MGAM2: variants seen among roughly 807,000 people sequenced by gnomAD.
MGAM2 encodes the protein maltase-glucoamylase 2 (putative).
Under a neutral mutation model 96.1 loss-of-function variants are expected in MGAM2, and 98 were observed. The observed-to-expected ratio is 1.02, with a 90% CI of 0.87 to 1.21. The LOEUF (loss-of-function observed/expected upper bound fraction) is 1.21, where lower values mean the gene tolerates loss of function less well. Ranked by LOEUF, MGAM2 falls within the 50% of genes most tolerant of loss-of-function variation. MGAM2 has a pLI of 0.00. For synonymous variants in MGAM2, 749 were observed against 414.8 expected, an observed-to-expected ratio of 1.81 and a Z score of -9.79; for missense variants, 2,055 against 1,182.4, an observed-to-expected ratio of 1.74 and a Z score of -10.82.
chr7:142,190,214 T>G (rs1045674355), intron 37 of MGAM2, among the ~76,000 whole-genome samples: 5 of 151,994 alleles, frequency 3.3e-5, no homozygotes. Context: ...AACTGTATTT[T>G]TAATATTTTG....
chr7:142,160,418 C>T (rs887290870), intron 21 of MGAM2, among the ~76,000 whole-genome samples, 160 bp downstream of exon 21: 3 of 152,130 alleles, frequency 2.0e-5, no homozygotes, highest in Admixed American at 2.0e-4. Flanking sequence ...AAATTGGCAT[C>T]TTAGTCCCTA....
intron 36 of MGAM2, among the ~76,000 whole-genome samples, chr7:142,188,127 C>G (rs1056928501): frequency 1.3e-5 from 2 of 151,670 alleles, no homozygotes; most frequent in Non-Finnish European, 2.9e-5. Flanking sequence ...CACACACACA[C>G]ACACACACAC....
At chr7:142,195,350 T>A (rs1044326836) in intron 37 of MGAM2, among the ~76,000 whole-genome samples, 3 of 129,942 alleles carry the variant, frequency 2.3e-5, no homozygotes, top group African/African-American at 8.9e-5. Flanking sequence ...TTACTCTTTT[T>A]TTTTTTTTTT....
At chr7:142,127,802 CCA>C (rs1794770718) in intron 3 of MGAM2, among the ~76,000 whole-genome samples, 1 of 152,158 alleles carries the variant, frequency 6.6e-6, no homozygotes, top group South Asian at 2.1e-4. Flanking sequence ...AACTGTGAGT[CCA>C]TTAAATGTCT....
chr7:142,114,478 C>A (rs868153015), intron 1 of MGAM2, among the ~76,000 whole-genome samples: 2 of 151,928 alleles, frequency 1.3e-5, no homozygotes, highest in African/African-American at 4.8e-5. Context: ...GTGGAACTAT[C>A]GTTTTGGAAG....
At chr7:142,195,822 G>A (rs77566583) in intron 37 of MGAM2, among the ~76,000 whole-genome samples, 5,371 of 152,154 alleles carry the variant, frequency 0.035, 117 homozygotes, top group Middle Eastern at 0.082. Flanking sequence ...ACACCACATA[G>A]GAAAGTGACC....
At chr7:142,125,386 T>C (rs1265153051) in intron 3 of MGAM2, among the ~76,000 whole-genome samples, 4 of 152,180 alleles carry the variant, frequency 2.6e-5, no homozygotes, top group South Asian at 2.1e-4. Context: ...CTTACTTAAA[T>C]GTTTATTGCT....
intron 3 of MGAM2, among the ~76,000 whole-genome samples, chr7:142,122,893 G>A (rs1794624389): frequency 1.3e-5 from 2 of 152,184 alleles, no homozygotes; most frequent in Non-Finnish European, 2.9e-5. Flanking sequence ...GCACTGGGGC[G>A]ATCTCGGCTC....
chr7:142,186,195 C>G, intron 35 of MGAM2, 72 bp downstream of exon 35: 1 of 674,494 alleles, frequency 1.5e-6, no homozygotes, highest in Non-Finnish European at 2.7e-6. Flanking sequence ...GGAGGAGAGA[C>G]TAGCAAAGCA....
chr7:142,168,998 C>T (rs1796112318), intron 26 of MGAM2, among the ~76,000 whole-genome samples: 1 of 152,152 alleles, frequency 6.6e-6, no homozygotes, highest in African/African-American at 2.4e-5. Flanking sequence ...TATCATGAAT[C>T]ACTGGGGCAG....
intron 28 of MGAM2, 33 bp downstream of exon 28, chr7:142,171,473 T>A: frequency 2.9e-6 from 2 of 698,076 alleles, no homozygotes; most frequent in East Asian, 2.7e-5. Flanking sequence ...AGCAATCAGT[T>A]TCTCTTTATG....
chr7:142,147,384 A>G (rs1795417946), intron 14 of MGAM2, 72 bp from the exon 15 acceptor site: 2 of 644,924 alleles, frequency 3.1e-6, no homozygotes, highest in Admixed American at 4.6e-5. Flanking sequence ...ATCAGGAAGA[A>G]AATAGTTGGG....
intron 46 of MGAM2, among the ~76,000 whole-genome samples, chr7:142,213,406 C>A (rs1399483131): frequency 1.3e-5 from 2 of 151,962 alleles, no homozygotes; most frequent in Non-Finnish European, 2.9e-5. Context: ...AAATGATTAA[C>A]AGAATAGTTA....
intron 3 of MGAM2, among the ~76,000 whole-genome samples, chr7:142,125,975 C>T (rs1471383120): frequency 6.6e-6 from 1 of 152,096 alleles, no homozygotes; most frequent in Non-Finnish European, 1.5e-5. Flanking sequence ...TAGTGTATAT[C>T]CTTCTCTTGA....
chr7:142,131,255 T>C (rs2129077164), intron 4 of MGAM2, among the ~76,000 whole-genome samples, 184 bp downstream of exon 4: 1 of 152,236 alleles, frequency 6.6e-6, no homozygotes, highest in Non-Finnish European at 1.5e-5. Context: ...CTGACCAATG[T>C]GGTGAAACCC....
chr7:142,173,254 C>T lies in MGAM2; in HGVS notation c.3587C>T (p.Pro1196Leu), dbSNP rs1563275507. ...TTGATTGGTCGGCCAGCAATGATTC[C>T]ATACTGGGCCTTGGGATTCCATCTG... ...TELIGRPAMI[P>L]YWALGFHLSR... is the part of the protein sequence containing the mutation. Residue 1196 changes from proline (P) to leucine (L), a missense_variant, in exon 31 of 48, where the codon CCA (proline) becomes CTA (leucine). Coordinates refer to ENST00000477922, the MANE Select transcript of MGAM2 (RefSeq NM_001293626.2). The T allele has an allele frequency of 1.4e-6, 1 of 703,006 alleles. No homozygotes were observed. The highest frequency in any genetic ancestry group is 2.6e-6 in the Non-Finnish European group (1 of 384,894). The allele number at this position is 703,006 out of a possible 1,614,324, so 43.5% of individuals were successfully genotyped here.
At chr7:142,207,826 G>A (rs1031626848) in intron 45 of MGAM2, among the ~76,000 whole-genome samples, 2 of 152,138 alleles carry the variant, frequency 1.3e-5, no homozygotes, top group African/African-American at 4.8e-5. Context: ...TCAGAACAGA[G>A]TACTCTGGAG....
chr7:142,150,839 A>C (rs1159145104), intron 15 of MGAM2, among the ~76,000 whole-genome samples: 3 of 151,908 alleles, frequency 2.0e-5, no homozygotes, highest in Non-Finnish European at 4.4e-5. Flanking sequence ...TTTTTCTCTC[A>C]CCTTTGCATC....
At chr7:142,166,668 G>A (rs1796036414) in intron 25 of MGAM2, among the ~76,000 whole-genome samples, 1 of 152,094 alleles carries the variant, frequency 6.6e-6, no homozygotes, top group Admixed American at 6.6e-5. Flanking sequence ...AAGAACACTG[G>A]GAGTAGAACC....
Sources: allele counts gnomAD v4.1 joint callset (sites outside exome capture counted in the v4.1 genomes callset), GRCh38; gene constraint gnomAD v4.1.1; transcripts MANE v1.5; gene names NCBI Gene and HGNC (gene_info 2026-07-23, HGNC 2026-07-21).